The following SLMAP variants were observed in gnomAD, a reference collection of about 807,000 sequenced individuals.
SLMAP encodes the protein sarcolemmal membrane-associated protein.
In SLMAP, 44 loss-of-function variants were observed where a neutral mutation model predicts 128.8. The ratio of observed to expected loss-of-function variants is 0.34; its 90% CI spans 0.27 to 0.44. The LOEUF (loss-of-function observed/expected upper bound fraction) is 0.44, where lower values mean the gene tolerates loss of function less well. SLMAP is among the 20% of genes least tolerant of loss of function. SLMAP has a pLI of 1.00. For missense variants in SLMAP, 787 were observed against 985.3 expected (o/e 0.80, Z 2.69); for synonymous variants, 327 against 348.8 (o/e 0.94, Z 0.70).
chr3:57,869,569 A>G (rs913141988), intron 13 of SLMAP, among the ~76,000 whole-genome samples: 8 of 142,840 alleles, frequency 5.6e-5, no homozygotes, highest in East Asian at 2.2e-4. Context: ...GTGCACTACA[A>G]TCACACCTGT....
intron 2 of SLMAP, among the ~76,000 whole-genome samples, chr3:57,771,728 A>G (rs1471389839): frequency 6.6e-6 from 1 of 152,134 alleles, no homozygotes. Context: ...TGTTGAAAAA[A>G]TTTCTTCTTT....
chr3:57,819,490 C>A (rs957007384), intron 2 of SLMAP, among the ~76,000 whole-genome samples: 7 of 152,078 alleles, frequency 4.6e-5, no homozygotes, highest in Non-Finnish European at 1.0e-4. Flanking sequence ...TTTTCCCCCC[C>A]ACAAATAAGA....
Position 57,756,631 on chromosome 3 carries a change from C to G in SLMAP, c.-1021C>G, listed in dbSNP as rs2077743086. On this transcript the variant is annotated 5_prime_UTR_variant, in exon 2 of 25. Coordinates refer to ENST00000671191, the MANE Select transcript of SLMAP (RefSeq NM_001377540.1). Reference sequence around the variant, plus strand: ...GGTGGAGGCTGCGGCGGATCCAGCCCGGGGCCTCAAGGCCTCTCCCCAACC... The same window carrying G: ...GGTGGAGGCTGCGGCGGATCCAGCCGGGGGCCTCAAGGCCTCTCCCCAACC... The G allele has an allele frequency of 6.6e-6, 1 of 152,258 alleles. No homozygotes were observed. Among genetic ancestry groups the G allele is most frequent in the African/African-American group, 2.4e-5 (1 of 41,438 alleles). The allele number at this position is 152,258 out of a possible 1,614,324, so 9.4% of individuals were successfully genotyped here.
At chr3:57,908,837 T>A (rs777314077) in intron 18 of SLMAP, among the ~76,000 whole-genome samples, 1 of 152,340 alleles carries the variant, frequency 6.6e-6, no homozygotes, top group African/African-American at 2.4e-5. Flanking sequence ...CATATTGTCT[T>A]GGTGATACCA....
chr3:57,919,385 A>C (rs2096873233), intron 22 of SLMAP, among the ~76,000 whole-genome samples: 1 of 146,722 alleles, frequency 6.8e-6, no homozygotes, highest in African/African-American at 2.7e-5. Flanking sequence ...CCATCTCAGA[A>C]AAAAAAAAAA....
chr3:57,783,345 T>C (rs1001055250), intron 2 of SLMAP, among the ~76,000 whole-genome samples: 1 of 152,194 alleles, frequency 6.6e-6, no homozygotes, highest in African/African-American at 2.4e-5. Flanking sequence ...GAGAGAAATA[T>C]CTTACTGGAA....
intron 15 of SLMAP, among the ~76,000 whole-genome samples, chr3:57,893,080 G>A (rs561241069): frequency 2.6e-5 from 4 of 151,830 alleles, no homozygotes; most frequent in South Asian, 4.2e-4. Flanking sequence ...TGATCCGCCC[G>A]CCTCGGCCTC....
intron 2 of SLMAP, among the ~76,000 whole-genome samples, chr3:57,820,561 C>T (rs1006324226): frequency 2.6e-5 from 4 of 152,188 alleles, no homozygotes; most frequent in Admixed American, 2.0e-4. Flanking sequence ...TCTGTAAACG[C>T]GAGGGCAAAT....
intron 15 of SLMAP, chr3:57,890,428 C>T (rs1314965047): frequency 2.8e-5 from 6 of 215,984 alleles, no homozygotes; most frequent in Non-Finnish European, 5.5e-5. Flanking sequence ...AAATTTTAAT[C>T]AAACACAATG....
intron 2 of SLMAP, among the ~76,000 whole-genome samples, chr3:57,821,935 C>CCTCCTCCTCCTCTTT (rs932035209): frequency 2.0e-5 from 3 of 151,778 alleles, no homozygotes; most frequent in Non-Finnish European, 4.4e-5. Context: ...TCCTCCTCCT[C>CCTCCTCCTCCTCTTT]CTCCTCTTTC....
intron 14 of SLMAP, among the ~76,000 whole-genome samples, chr3:57,889,062 T>G (rs779023699): frequency 2.0e-5 from 3 of 152,194 alleles, no homozygotes; most frequent in Non-Finnish European, 4.4e-5. Context: ...TTTTTTGTGT[T>G]TCCAGTAGAG....
At chr3:57,911,950 GGA>G (rs1282887841) in intron 19 of SLMAP, among the ~76,000 whole-genome samples, 1 of 118,658 alleles carries the variant, frequency 8.4e-6, no homozygotes, top group Non-Finnish European at 1.7e-5. Flanking sequence ...AAAAAAAAAA[GGA>G]TTGTATATAG....
intron 2 of SLMAP, among the ~76,000 whole-genome samples, chr3:57,764,868 G>A (rs55990388): frequency 0.13 from 19,547 of 152,162 alleles, 1,699 homozygotes; most frequent in Non-Finnish European, 0.18. Context: ...CATAGACCAG[G>A]TTAACAGTAG....
intron 14 of SLMAP, among the ~76,000 whole-genome samples, chr3:57,882,192 A>G (rs1007761175): frequency 6.6e-6 from 1 of 152,246 alleles, no homozygotes; most frequent in Non-Finnish European, 1.5e-5. Flanking sequence ...AAGATTAATT[A>G]AACATGTATG....
At chr3:57,823,039 G>A (rs2092642577) in intron 2 of SLMAP, among the ~76,000 whole-genome samples, 2 of 152,068 alleles carry the variant, frequency 1.3e-5, no homozygotes, top group South Asian at 4.1e-4. Flanking sequence ...GATTTCCAGA[G>A]TTACCACATT....
intron 2 of SLMAP, among the ~76,000 whole-genome samples, chr3:57,765,478 C>T (rs779348098): frequency 1.2e-4 from 19 of 152,108 alleles, no homozygotes; most frequent in Admixed American, 2.0e-4. Flanking sequence ...AGGGATGATA[C>T]GGCATGTTCC....
intron 14 of SLMAP, among the ~76,000 whole-genome samples, chr3:57,873,245 G>A (rs187553972): frequency 6.6e-5 from 10 of 152,318 alleles, no homozygotes; most frequent in Non-Finnish European, 1.3e-4. Context: ...GCTCACGCCT[G>A]TAATCCCAGC....
At chr3:57,818,121 T>C (rs2092096331) in intron 2 of SLMAP, among the ~76,000 whole-genome samples, 1 of 152,062 alleles carries the variant, frequency 6.6e-6, no homozygotes, top group South Asian at 2.1e-4. Flanking sequence ...GGCGAGTTAC[T>C]TAACCTCTTT....
At position 57,896,559 on chromosome 3, in the gene SLMAP, C is replaced by G. The variant is rs1013373312; in HGVS notation, c.1409C>G (p.Pro470Arg). The change falls in exon 16 of 25, where the codon CCA becomes CGA. Residue 470 changes from proline (P) to arginine (R), a missense_variant. Around this residue, in one of 2 missense-constraint regions of SLMAP, gnomAD observed 715 missense variants for 843.6 expected, o/e 0.85. Coordinates refer to ENST00000671191, the MANE Select transcript of SLMAP (RefSeq NM_001377540.1). ...KESDFSDTLS[P>R]SKEKSSDDTT... ...TCTGATTTTTCAGATACTCTGAGTCCAAGCAAGGAAAAAAGCAGTGACGAC... is the reference window on the plus strand; with the variant it reads ...TCTGATTTTTCAGATACTCTGAGTCGAAGCAAGGAAAAAAGCAGTGACGAC... The G allele has an allele frequency of 6.2e-7, 1 of 1,608,798 alleles. No homozygotes were observed. Among genetic ancestry groups the G allele is most frequent in the Non-Finnish European group, 8.5e-7 (1 of 1,178,262 alleles).
Sources: gnomAD v4.1 joint callset for allele counts (sites outside exome capture counted in the v4.1 genomes callset) on GRCh38, gnomAD v4.1.1 for gene constraint, gnomAD v4.1.1 regional missense constraint, MANE v1.5 for transcripts, NCBI Gene and HGNC (gene_info 2026-07-23, HGNC 2026-07-21) for gene names.